Variants in GPC6 observed in about 807,000 individuals in gnomAD.
The protein encoded by GPC6 is glypican 6.
In GPC6, 14 loss-of-function variants were observed where a neutral mutation model predicts 55.2. That is an observed-to-expected ratio of 0.25 (90% confidence interval 0.17 to 0.40). GPC6 has a LOEUF of 0.40. Ranked by LOEUF, GPC6 falls within the 10% of genes least tolerant of loss-of-function variation. GPC6 has a pLI of 1.00. For missense variants in GPC6, 641 were observed against 708.5 expected (o/e 0.90, Z 1.08); for synonymous variants, 278 against 259.6 (o/e 1.07, Z -0.68).
In GPC6 at chr13:93,609,207, C is replaced by A. The variant is rs1380766736; in HGVS notation, c.319+63786C>A. 2.6e-5 allele frequency among the ~76,000 whole-genome samples: 4 copies of A among 152,062 alleles called. No individual in the cohort carries two copies. The East Asian group carries it at 7.7e-4, about 29-fold the overall frequency. The stretch of plus-strand genomic sequence containing the variant: ...CCTACATTCTTTCTTCATCTCTAAC[C>A]TGACTTTGTTGTTGTTGTTGTTGTT... On this transcript the variant is annotated intron_variant, in intron 2 of 8. Coordinates refer to ENST00000377047, the MANE Select transcript of GPC6 (RefSeq NM_005708.5).
intron 4 of GPC6, among the ~76,000 whole-genome samples, chr13:94,062,212 G>A (rs1396551528): frequency 6.6e-6 from 1 of 151,874 alleles, no homozygotes; most frequent in Non-Finnish European, 1.5e-5. Flanking sequence ...AACTATGTGA[G>A]ATCTTACCCT....
intron 3 of GPC6, among the ~76,000 whole-genome samples, chr13:94,003,788 C>G (rs1187005950): frequency 6.6e-6 from 1 of 151,910 alleles, no homozygotes; most frequent in Non-Finnish European, 1.5e-5. Flanking sequence ...TTATAATTAC[C>G]CCTCAATGTG....
intron 4 of GPC6, among the ~76,000 whole-genome samples, chr13:94,200,217 G>C (rs1397655900): frequency 1.3e-5 from 2 of 151,212 alleles, no homozygotes; most frequent in East Asian, 3.9e-4. Flanking sequence ...TTCAGGAATT[G>C]CTCTCTGGAA....
intron 1 of GPC6, among the ~76,000 whole-genome samples, chr13:93,477,269 A>T (rs1428038254): frequency 6.6e-6 from 1 of 152,146 alleles, no homozygotes; most frequent in East Asian, 1.9e-4. Flanking sequence ...AAATTCATAG[A>T]ATTAAAGACA....
At chr13:93,565,217 G>A (rs546751093) in intron 2 of GPC6, among the ~76,000 whole-genome samples, 22 of 152,092 alleles carry the variant, frequency 1.4e-4, no homozygotes, top group Admixed American at 1.3e-4. Context: ...CTGTTGAAAG[G>A]GGGGAGAAGC....
chr13:93,496,539 CTAT>C (rs1880295180), intron 1 of GPC6, among the ~76,000 whole-genome samples: 1 of 152,156 alleles, frequency 6.6e-6, no homozygotes. Flanking sequence ...GCTCCTCCCA[CTAT>C]TATTATTTCT....
intron 4 of GPC6, among the ~76,000 whole-genome samples, chr13:94,111,900 C>G (rs142782220): frequency 6.6e-6 from 1 of 152,062 alleles, no homozygotes; most frequent in Non-Finnish European, 1.5e-5. Flanking sequence ...AGCCGTGGAC[C>G]CTGTCTCTCT....
intron 2 of GPC6, among the ~76,000 whole-genome samples, chr13:93,602,863 T>C (rs918131879): frequency 6.6e-6 from 1 of 152,228 alleles, no homozygotes; most frequent in Non-Finnish European, 1.5e-5. Context: ...TTCTAGTAGA[T>C]CTGATACTAA....
At position 93,359,731 on chromosome 13, in the gene GPC6, A is replaced by G. The variant is rs192723680; in HGVS notation, c.160+132115A>G. 3.3e-5 allele frequency among the ~76,000 whole-genome samples: 5 copies of G among 152,308 alleles called. No individual in the cohort carries two copies. The South Asian group carries it at 6.2e-4, about 19-fold the overall frequency. On this transcript the variant is annotated intron_variant, in intron 1 of 8. Transcript: ENST00000377047. The stretch of plus-strand genomic sequence containing the variant: ...TTCAAGGTAATGTGAAAAGTCTGAG[A>G]CAGAGGTTATTGGCCAGTAATTTAC...
chr13:93,743,051 T>G (rs1319513483), intron 2 of GPC6, among the ~76,000 whole-genome samples: 1 of 152,140 alleles, frequency 6.6e-6, no homozygotes, highest in Admixed American at 6.5e-5. Context: ...ATAAAAGTAG[T>G]TGTAGTTAGC....
At chr13:93,748,868 G>A (rs186425905) in intron 2 of GPC6, among the ~76,000 whole-genome samples, 8 of 148,908 alleles carry the variant, frequency 5.4e-5, no homozygotes, top group African/African-American at 1.7e-4. Flanking sequence ...TTATTGTTAC[G>A]CTTTTACTTT....
At chr13:93,713,233 T>C (rs948999704) in intron 2 of GPC6, among the ~76,000 whole-genome samples, 3 of 151,476 alleles carry the variant, frequency 2.0e-5, no homozygotes, top group Admixed American at 1.3e-4. Context: ...GGACTAAAAG[T>C]AAGTGAGCAA....
chr13:93,306,367 C>CT (rs888835076), intron 1 of GPC6, among the ~76,000 whole-genome samples: 2 of 152,048 alleles, frequency 1.3e-5, no homozygotes, highest in Non-Finnish European at 2.9e-5. Context: ...AAAATTCTGT[C>CT]TGTCAGCCAG....
At chr13:93,874,691 A>C (rs947316308) in intron 3 of GPC6, among the ~76,000 whole-genome samples, 3 of 151,012 alleles carry the variant, frequency 2.0e-5, no homozygotes, top group African/African-American at 7.3e-5. Context: ...TGTAGGTCTC[A>C]TGGACACACT....
intron 6 of GPC6, among the ~76,000 whole-genome samples, chr13:94,341,971 AG>A (rs1878063939): frequency 6.6e-6 from 1 of 152,240 alleles, no homozygotes; most frequent in Admixed American, 6.5e-5. Flanking sequence ...GGAGAGTTAA[AG>A]GTGTACCATA....
At chr13:93,783,119 G>A (rs1432800168) in intron 2 of GPC6, among the ~76,000 whole-genome samples, 8 of 152,180 alleles carry the variant, frequency 5.3e-5, no homozygotes, top group Middle Eastern at 6.8e-3. Flanking sequence ...AATGGCTTCC[G>A]GCTTCATCCA....
At chr13:93,759,783 A>C (rs1594433062) in intron 2 of GPC6, among the ~76,000 whole-genome samples, 1 of 152,214 alleles carries the variant, frequency 6.6e-6, no homozygotes, top group East Asian at 1.9e-4. Context: ...CACCCAAACA[A>C]ACTGTAAATT....
At chr13:94,105,018 A>G (rs1886001760) in intron 4 of GPC6, among the ~76,000 whole-genome samples, 1 of 152,104 alleles carries the variant, frequency 6.6e-6, no homozygotes, top group South Asian at 2.1e-4. Context: ...ACACAATCCT[A>G]AGCAAAAAGA....
At chr13:94,350,657 G>A (rs1249946093) in intron 6 of GPC6, among the ~76,000 whole-genome samples, 1 of 152,060 alleles carries the variant, frequency 6.6e-6, no homozygotes, top group Non-Finnish European at 1.5e-5. Flanking sequence ...CATAATATGT[G>A]TGTATGTATC....
Sources: allele counts gnomAD v4.1 joint callset (sites outside exome capture counted in the v4.1 genomes callset), GRCh38; gene constraint gnomAD v4.1.1; transcripts MANE v1.5; gene names NCBI Gene and HGNC (gene_info 2026-07-23, HGNC 2026-07-21).